Variants in AK9 observed in about 807,000 individuals in gnomAD.
AK9 encodes adenylate kinase 9.
In AK9, 191 loss-of-function variants were observed where a neutral mutation model predicts 239.6. The observed-to-expected ratio is 0.80, with a 90% CI of 0.71 to 0.90. The LOEUF is 0.90. AK9 is among the 40% of genes least tolerant of loss of function. The pLI is 0.00. For synonymous variants in AK9, 689 were observed against 721.0 expected (o/e 0.96, Z 0.71); for missense variants, 1,995 against 2,214.7 (o/e 0.90, Z 1.99).
In AK9 at chr6:109,633,027, G is replaced by A. The variant is rs754881003; in HGVS notation, c.1150C>T (p.Leu384Phe). Residue 384 changes from leucine (L) to phenylalanine (F), a missense_variant, in exon 12 of 41, where the codon CTT (leucine) becomes TTT (phenylalanine). Coordinates refer to ENST00000424296, the MANE Select transcript of AK9 (RefSeq NM_001145128.3). ...CATGGTGGTCCTGGCATAGGTGGAA[G>A]CAGATAGGGACGTGGGTTCAACAAA... ...PFLLNPRPYL[L>F]PPMPGPPCKV... 11 of 1,597,482 alleles carry A rather than the reference G, an allele frequency of 6.9e-6. No individual in the cohort carries two copies. Among genetic ancestry groups the A allele is most frequent in the Non-Finnish European group, 7.7e-6 (9 of 1,174,810 alleles).
chr6:109,529,374 C>T (rs1780942309), intron 28 of AK9, among the ~76,000 whole-genome samples: 3 of 152,028 alleles, frequency 2.0e-5, no homozygotes, highest in Admixed American at 2.0e-4. Flanking sequence ...GTTTTGGTGG[C>T]AGGAAATAGG....
chr6:109,493,851 G>A, intron 40 of AK9, 130 bp downstream of exon 40: 1 of 735,910 alleles, frequency 1.4e-6, no homozygotes. Context: ...GCCCTGTATT[G>A]TATTTGCTAC....
intron 26 of AK9, among the ~76,000 whole-genome samples, chr6:109,543,692 C>T (rs1279638905): frequency 6.6e-6 from 1 of 152,098 alleles, no homozygotes; most frequent in Non-Finnish European, 1.5e-5. Context: ...AAGTGATCTG[C>T]CTGCCTCCAC....
In AK9 at chr6:109,533,341, G is replaced by A. The variant is rs868858616; in HGVS notation, c.3480C>T (p.Leu1160=). 2 of 1,611,764 alleles carry A rather than the reference G, an allele frequency of 1.2e-6. No individual in the cohort carries two copies. Among genetic ancestry groups the A allele is most frequent in the Non-Finnish European group, 1.7e-6 (2 of 1,179,134 alleles). ...QVDDQDIFDR[L]LPAQIEKWKL... ...TCCACTTTTCAATTTGGGCAGGAAG[G>A]AGGCGATCAAAAATATCTTGATCAT... The change falls in exon 28 of 41, where the codon CTC becomes CTT. Residue 1160 remains leucine, a synonymous_variant. Transcript: ENST00000424296.
At chr6:109,505,053 C>G (rs757075382) in intron 35 of AK9, among the ~76,000 whole-genome samples, 17 of 152,182 alleles carry the variant, frequency 1.1e-4, no homozygotes, top group Non-Finnish European at 2.1e-4. Context: ...TGAGATATTT[C>G]TAAAAATTCA....
intron 9 of AK9, among the ~76,000 whole-genome samples, chr6:109,642,437 C>G (rs1450444940): frequency 6.6e-6 from 1 of 152,178 alleles, no homozygotes; most frequent in African/African-American, 2.4e-5. Flanking sequence ...CTAGTTCATT[C>G]TGGGTGGAGT....
intron 10 of AK9, among the ~76,000 whole-genome samples, chr6:109,640,397 C>A (rs1425468120): frequency 6.6e-6 from 1 of 152,162 alleles, no homozygotes; most frequent in East Asian, 1.9e-4. Context: ...CTGGGTAAGG[C>A]AACACCCTGC....
At chr6:109,567,350 G>A (rs1786700993) in intron 21 of AK9, among the ~76,000 whole-genome samples, 1 of 152,004 alleles carries the variant, frequency 6.6e-6, no homozygotes, top group African/African-American at 2.4e-5. Context: ...TAAATTCCTG[G>A]ACACATACAC....
rs769656586 is a variant in AK9 at position 109,610,405 on chromosome 6, T to C, written c.1802A>G (p.Tyr601Cys). 3.9e-6 allele frequency: 6 copies of C among 1,551,638 alleles called. No individual in the cohort carries two copies. The highest frequency in any genetic ancestry group is 2.0e-5 in the Admixed American group (1 of 50,984). The change falls in exon 17 of 41, where the codon TAT (tyrosine) becomes TGT (cysteine). Residue 601 changes from tyrosine to cysteine, a missense_variant. This residue lies in a region of AK9 where 1,290 missense variants were observed against 1,392.7 expected (regional missense o/e 0.93). Transcript: ENST00000424296. ...MSQDINFEQP[Y>C]EKHAEILQEV... Reference sequence around the variant, plus strand: ...CTGTAAGATTTCAGCATGTTTTTCATATGGCTGTTCAAAGTTTATATCCTG... The same window carrying C: ...CTGTAAGATTTCAGCATGTTTTTCACATGGCTGTTCAAAGTTTATATCCTG...
At chr6:109,529,204 T>C in intron 28 of AK9, 131 bp from the exon 29 acceptor site, 1 of 1,018,836 alleles carries the variant, frequency 9.8e-7, no homozygotes, top group Non-Finnish European at 1.4e-6. Context: ...CAGGAAAGGA[T>C]GTGATGGCGG....
At chr6:109,676,216 T>A (rs578073963) in intron 1 of AK9, among the ~76,000 whole-genome samples, 1 of 152,132 alleles carries the variant, frequency 6.6e-6, no homozygotes, top group Non-Finnish European at 1.5e-5. Flanking sequence ...AAAAGTAATG[T>A]CATTTTTACA....
At position 109,614,175 on chromosome 6, in the gene AK9, T is replaced by C. The variant is rs1416567977; in HGVS notation, c.1609+8A>G. 6.5e-7 allele frequency: 1 copy of C among 1,547,820 alleles called. No individual in the cohort carries two copies. Among genetic ancestry groups the C allele is most frequent in the Non-Finnish European group, 8.7e-7 (1 of 1,143,622 alleles). ...CACAAACGTGGGATTAGCAGTTCAC[T>C]TTGTTACCATCTTTATCAACTTTAG... On this transcript the variant is annotated splice_region_variant and intron_variant, in intron 15 of 40. Coordinates refer to ENST00000424296, the MANE Select transcript of AK9 (RefSeq NM_001145128.3).
intron 10 of AK9, among the ~76,000 whole-genome samples, chr6:109,634,759 C>T (rs973466803): frequency 2.0e-5 from 3 of 152,214 alleles, no homozygotes; most frequent in African/African-American, 7.2e-5. Context: ...CCACAGGGTT[C>T]CTGGACAATG....
At chr6:109,546,152 G>T in intron 25 of AK9, 25 bp from the exon 26 acceptor site, 1 of 1,508,944 alleles carries the variant, frequency 6.6e-7, no homozygotes, top group Non-Finnish European at 9.0e-7. Context: ...GGGTCAGGGA[G>T]GGGTGGGATA....
chr6:109,669,939 G>T (rs1801831660), intron 5 of AK9, among the ~76,000 whole-genome samples: 1 of 152,170 alleles, frequency 6.6e-6, no homozygotes, highest in African/African-American at 2.4e-5. Flanking sequence ...AATGGTGAGG[G>T]TGTGGCCCCC....
intron 17 of AK9, among the ~76,000 whole-genome samples, chr6:109,609,507 T>C (rs1793317376): frequency 6.6e-6 from 1 of 152,146 alleles, no homozygotes. Context: ...TCATAATATT[T>C]CTGAAGGACT....
At chr6:109,549,813 G>A (rs941648496) in intron 25 of AK9, 20 of 221,334 alleles carry the variant, frequency 9.0e-5, no homozygotes, top group Non-Finnish European at 1.1e-4. Flanking sequence ...CTACAGGCGC[G>A]CGCCACCATG....
At chr6:109,617,741 C>A (rs13204102) in intron 13 of AK9, among the ~76,000 whole-genome samples, 45,044 of 151,936 alleles carry the variant, frequency 0.3, 7,142 homozygotes, top group Middle Eastern at 0.41. Flanking sequence ...CCATTACAAA[C>A]ATGAATAGAA....
At chr6:109,587,280 A>T (rs182208200) in intron 17 of AK9, among the ~76,000 whole-genome samples, 1 of 152,348 alleles carries the variant, frequency 6.6e-6, no homozygotes, top group East Asian at 1.9e-4. Flanking sequence ...ACAAATTTTC[A>T]AACAATTTTA....
Sources: gnomAD v4.1 joint callset for allele counts (sites outside exome capture counted in the v4.1 genomes callset) on GRCh38, gnomAD v4.1.1 for gene constraint, gnomAD v4.1.1 regional missense constraint, MANE v1.5 for transcripts, NCBI Gene and HGNC (gene_info 2026-07-23, HGNC 2026-07-21) for gene names.